The following CYFIP1 variants were observed in gnomAD, a reference collection of about 807,000 sequenced individuals.
CYFIP1 encodes cytoplasmic FMR1-interacting protein 1.
A neutral mutation model predicts 163.5 loss-of-function variants in CYFIP1; 58 were observed. The observed-to-expected ratio is 0.35, with a 90% confidence interval of 0.29 to 0.44. The LOEUF is 0.44. Ranked by LOEUF, CYFIP1 falls within the 20% of genes least tolerant of loss-of-function variation. The pLI, the probability that CYFIP1 is intolerant of heterozygous loss-of-function variation, is 1.00. For missense variants in CYFIP1, 1,338 were observed against 1,653.8 expected, an observed-to-expected ratio of 0.81 and a Z score of 3.31; for synonymous variants, 663 against 660.7, an observed-to-expected ratio of 1.00 and a Z score of -0.05.
chr15:22,895,852 C>T (rs2060221593), intron 22 of CYFIP1, among the ~76,000 whole-genome samples: 1 of 152,198 alleles, frequency 6.6e-6, no homozygotes, highest in African/African-American at 2.4e-5. Context: ...CTGGCAGTAC[C>T]CTGAGGAGCG....
intron 1 of CYFIP1, among the ~76,000 whole-genome samples, chr15:22,977,895 T>C (rs1173988296): frequency 6.6e-6 from 1 of 151,964 alleles, no homozygotes; most frequent in Non-Finnish European, 1.5e-5. Flanking sequence ...AGGGAGATGT[T>C]AGCTATTATT....
At position 22,870,328 on chromosome 15, in the gene CYFIP1, G is replaced by GC; in HGVS notation, c.3598-137_3598-136insG. The GC allele has an allele frequency of 2.9e-6, 3 of 1,018,468 alleles. No homozygotes were observed. In the South Asian group the frequency reaches 5.0e-5, roughly 17 times the overall value. 63.1% of individuals were successfully genotyped at this position (1,018,468 alleles called of 1,614,324 possible). ...ATTGACACACATACTGTTCTTTTTG[G>GC]GTTTTTTTTTGTAAGATAGGGTCTC... On this transcript the variant is annotated intron_variant, in intron 30 of 30. Transcript: ENST00000617928.
At chr15:22,916,381 C>T (rs1014056756) in intron 16 of CYFIP1, 96 bp downstream of exon 16, 16 of 913,002 alleles carry the variant, frequency 1.8e-5, no homozygotes, top group East Asian at 1.7e-4. Context: ...CACCAAGGGA[C>T]GGGGTAGGGG....
chr15:22,897,628 C>T (rs1400699739), intron 22 of CYFIP1, among the ~76,000 whole-genome samples: 1 of 151,798 alleles, frequency 6.6e-6, no homozygotes, highest in African/African-American at 2.4e-5. Flanking sequence ...GGACTACAGT[C>T]GCCTGCCACC....
intron 3 of CYFIP1, chr15:22,946,782 A>G (rs2062076126): frequency 1.5e-6 from 1 of 683,572 alleles, no homozygotes; most frequent in African/African-American, 1.8e-5. Flanking sequence ...AACGCTGACA[A>G]AGGTTTTCTC....
intron 26 of CYFIP1, among the ~76,000 whole-genome samples, chr15:22,875,914 C>G (rs932336634): frequency 5.3e-5 from 6 of 113,854 alleles, no homozygotes; most frequent in African/African-American, 2.0e-4. Flanking sequence ...AATGTACCTC[C>G]AGGATCATGA....
rs769080399 is a variant in CYFIP1 at position 22,914,849 on chromosome 15, A to G, written c.1862T>C (p.Leu621Pro). The G allele has an allele frequency of 1.9e-6, 3 of 1,613,456 alleles. No individual in the cohort carries two copies. Among genetic ancestry groups the G allele is most frequent in the East Asian group, 4.5e-5 (2 of 44,814 alleles). ...CTCCAGGAAGAACTCTCGGAACCACAGCTGCGAAAGGTCACAGCACTGCTG... is the reference window on the plus strand; with the variant it reads ...CTCCAGGAAGAACTCTCGGAACCACGGCTGCGAAAGGTCACAGCACTGCTG... ...TLQQCCDLSQ[L>P]WFREFFLELT... Residue 621 changes from leucine to proline, a missense_variant, in exon 17 of 31, where the codon CTG becomes CCG. Around this residue, in one of 4 missense-constraint regions of CYFIP1, gnomAD observed 824 missense variants for 995.7 expected, o/e 0.83. Coordinates refer to ENST00000617928, the MANE Select transcript of CYFIP1 (RefSeq NM_014608.6).
intron 1 of CYFIP1, among the ~76,000 whole-genome samples, chr15:22,956,440 G>C (rs2062455522): frequency 6.6e-6 from 1 of 152,148 alleles, no homozygotes; most frequent in Non-Finnish European, 1.5e-5. Context: ...GGAAGCAGAG[G>C]TGGTGCCAAG....
intron 28 of CYFIP1, among the ~76,000 whole-genome samples, chr15:22,874,169 G>A (rs1239435648): frequency 6.6e-6 from 1 of 152,202 alleles, no homozygotes; most frequent in African/African-American, 2.4e-5. Context: ...AAATGGCTGA[G>A]AAACCCTGAC....
chr15:22,943,663 T>G (rs991554268), intron 5 of CYFIP1, among the ~76,000 whole-genome samples: 1 of 152,238 alleles, frequency 6.6e-6, no homozygotes, highest in African/African-American at 2.4e-5. Flanking sequence ...AAAATTCAGA[T>G]GTTCTAACTT....
intron 13 of CYFIP1, among the ~76,000 whole-genome samples, chr15:22,919,114 C>T (rs1387129899): frequency 1.3e-5 from 2 of 152,126 alleles, no homozygotes; most frequent in African/African-American, 4.8e-5. Context: ...CACATGCATC[C>T]ACCCCAGCAC....
rs1178784477 is a variant in CYFIP1 at position 22,909,404 on chromosome 15, G to C, written c.2269-91C>G. On this transcript the variant is annotated intron_variant, in intron 20 of 30. Coordinates refer to ENST00000617928, the MANE Select transcript of CYFIP1 (RefSeq NM_014608.6). Reference sequence around the variant, plus strand: ...CTCACCAGAGACCCTGGAGAAGCTGGTCTGTCAATAACGACACCCTTTACA... The same window carrying C: ...CTCACCAGAGACCCTGGAGAAGCTGCTCTGTCAATAACGACACCCTTTACA... 12 of 1,541,834 alleles carry C rather than the reference G, an allele frequency of 7.8e-6. No individual in the cohort carries two copies. In the East Asian group the frequency reaches 2.7e-4, roughly 35 times the overall value.
intron 21 of CYFIP1, chr15:22,904,711 T>C (rs1233432150): frequency 6.6e-6 from 1 of 152,194 alleles, no homozygotes; most frequent in Non-Finnish European, 1.5e-5. Flanking sequence ...ACCAATGATT[T>C]TACTCAAAAT....
At position 22,868,685 on chromosome 15, in the gene CYFIP1, A is replaced by G. The variant is rs933999448; in HGVS notation, c.*1343T>C. 6.8e-6 allele frequency: 1 copy of G among 146,182 alleles called. No individual in the cohort carries two copies. The highest frequency in any genetic ancestry group is 1.5e-5 in the Non-Finnish European group (1 of 67,294). 9.1% of individuals were successfully genotyped at this position (146,182 alleles called of 1,614,324 possible). A position where few individuals can be genotyped will look rare whatever the true frequency, so the allele number is the denominator to read the frequency against. ...TAACAGGATGGTTCGTACACTTACTACTTTTCTGTGCCGTGCATCATATGC... is the reference window on the plus strand; with the variant it reads ...TAACAGGATGGTTCGTACACTTACTGCTTTTCTGTGCCGTGCATCATATGC... On this transcript the variant is annotated 3_prime_UTR_variant, in exon 31 of 31. Transcript: ENST00000617928.
intron 22 of CYFIP1, among the ~76,000 whole-genome samples, chr15:22,896,921 T>C (rs925621343): frequency 3.2e-4 from 48 of 151,960 alleles, no homozygotes; most frequent in African/African-American, 1.2e-3. Context: ...TTTTAAAGAG[T>C]GTTGGCCGGG....
chr15:22,947,311 C>G lies in CYFIP1; in HGVS notation c.-6-20G>C, dbSNP rs1466256335. 1.1e-5 allele frequency: 18 copies of G among 1,607,380 alleles called. No homozygotes were observed. Among genetic ancestry groups the G allele is most frequent in the Non-Finnish European group, 1.4e-5 (16 of 1,175,512 alleles). On this transcript the variant is annotated intron_variant, in intron 1 of 30. Coordinates refer to ENST00000617928, the MANE Select transcript of CYFIP1 (RefSeq NM_014608.6). ...CCTGGGCTGGAACAACACATAAGGACCCCTGTTCTGTGAGGAGAAGGAGGG... is the reference window on the plus strand; with the variant it reads ...CCTGGGCTGGAACAACACATAAGGAGCCCTGTTCTGTGAGGAGAAGGAGGG...
chr15:22,905,223 G>A (rs2060529869), intron 21 of CYFIP1: 2 of 152,144 alleles, frequency 1.3e-5, no homozygotes, highest in Admixed American at 6.5e-5. Context: ...ATTTCTAAGT[G>A]TTGACAAGCT....
At chr15:22,903,645 T>C (rs2142013187) in intron 22 of CYFIP1, 61 bp downstream of exon 22, 2 of 1,564,130 alleles carry the variant, frequency 1.3e-6, no homozygotes. Context: ...GGAGGAAGCC[T>C]GCGGGGACAT....
Position 22,925,998 on chromosome 15 carries a change from T to C in CYFIP1, c.1343A>G (p.Lys448Arg), listed in dbSNP as rs866172415. 1.2e-6 allele frequency: 2 copies of C among 1,613,768 alleles called. No homozygotes were observed. The highest frequency in any genetic ancestry group is 1.7e-4 in the Middle Eastern group (1 of 6,058). ...ATRYNYTSEE[K>R]FALVEVIAMI... ...CATCCTCACCTCCACTAGGGCAAAC[T>C]TCTCCTCGCTGGTGTAGTTGTAGCG... The change falls in exon 13 of 31, where the codon AAG (lysine) becomes AGG (arginine). Residue 448 changes from lysine to arginine, a missense_variant. Around this residue, in one of 4 missense-constraint regions of CYFIP1, gnomAD observed 824 missense variants for 995.7 expected, o/e 0.83. Transcript: ENST00000617928.
Sources: gnomAD v4.1 joint callset for allele counts (sites outside exome capture counted in the v4.1 genomes callset) on GRCh38, gnomAD v4.1.1 for gene constraint, gnomAD v4.1.1 regional missense constraint, MANE v1.5 for transcripts, NCBI Gene and HGNC (gene_info 2026-07-23, HGNC 2026-07-21) for gene names.